The following MYOM2 variants were observed in gnomAD, a reference collection of about 807,000 sequenced individuals.
The protein encoded by MYOM2 is myomesin 2.
MYOM2 carries 254 observed loss-of-function variants against 187.6 expected under a neutral mutation model. The ratio of observed to expected loss-of-function variants is 1.35; its 90% CI spans 1.22 to 1.50. The LOEUF is 1.50. Among genes scored for constraint, MYOM2 ranks in the 40% most tolerant of loss-of-function variants. MYOM2 has a pLI of 0.00. For missense variants in MYOM2, 2,796 were observed against 1,924.0 expected (o/e 1.45, Z -8.48); for synonymous variants, 981 against 753.8 (o/e 1.30, Z -4.94).
At chr8:2,116,919 G>A (rs1247193694) in intron 27 of MYOM2, among the ~76,000 whole-genome samples, 2 of 131,460 alleles carry the variant, frequency 1.5e-5, no homozygotes, top group African/African-American at 3.0e-5. Context: ...CACTATGCCC[G>A]GTTAATTTTT....
chr8:2,098,911 C>A lies in MYOM2; in HGVS notation c.2368C>A (p.Leu790Met). 1 of 1,613,356 alleles carries A rather than the reference C, an allele frequency of 6.2e-7. No homozygotes were observed. The highest frequency in any genetic ancestry group is 8.5e-7 in the Non-Finnish European group (1 of 1,179,748). The change falls in exon 19 of 37, where the codon CTG (leucine) becomes ATG (methionine). Residue 790 changes from leucine (L) to methionine (M), a missense_variant. By Grantham distance (15) the Leu-to-Met change is conservative (BLOSUM62 2). Transcript: ENST00000262113. ...LYEFKIAAVN[L>M]AGIGEPSDPS... ...CGAGTTCAAAATCGCCGCCGTCAACCTGGCCGGCATCGGGGAGCCCTCAGA... is the reference window on the plus strand; with the variant it reads ...CGAGTTCAAAATCGCCGCCGTCAACATGGCCGGCATCGGGGAGCCCTCAGA...
chr8:2,056,004 C>A (rs2129328832), intron 3 of MYOM2, among the ~76,000 whole-genome samples: 1 of 152,330 alleles, frequency 6.6e-6, no homozygotes, highest in East Asian at 1.9e-4. Flanking sequence ...CCTGTCCCTG[C>A]CACTCGGGAA....
At chr8:2,103,630 G>C (rs111628447) in intron 21 of MYOM2, among the ~76,000 whole-genome samples, 16,254 of 150,660 alleles carry the variant, frequency 0.11, 1,142 homozygotes, top group African/African-American at 0.2. Flanking sequence ...GGATAAATGA[G>C]TGGGAGAGCG....
In MYOM2 at chr8:2,085,409, T is replaced by C. The variant is rs1484661121; in HGVS notation, c.1644+19T>C. The C allele has an allele frequency of 6.3e-7, 1 of 1,599,854 alleles. No individual in the cohort carries two copies. The highest frequency in any genetic ancestry group is 1.7e-5 in the Admixed American group (1 of 59,086). On this transcript the variant is annotated intron_variant, in intron 14 of 36. Transcript: ENST00000262113. ...TGAGAAGGTAAACTCCGGGCCCGTG[T>C]CCTGGAAAAGTAGATCTCTGCATGG...
Position 2,106,388 on chromosome 8 carries a change from G to C in MYOM2, c.2881G>C (p.Val961Leu), listed in dbSNP as rs140995511. Residue 961 changes from valine (V) to leucine (L), a missense_variant, in exon 22 of 37, where the codon GTG becomes CTG. By Grantham distance (32) the Val-to-Leu change is conservative. Coordinates refer to ENST00000262113, the MANE Select transcript of MYOM2 (RefSeq NM_003970.4). ...SDDERFKIET[V>L]GDHSKLYLKN... ...TGATGAGAGGTTTAAAATTGAAACC[G>C]TGGGGGATCAGTAAGTGAGGCCTGG... 1.4e-5 allele frequency: 22 copies of C among 1,613,888 alleles called. No homozygotes were observed. The highest frequency in any genetic ancestry group is 2.7e-5 in the African/African-American group (2 of 74,922).
Position 2,123,391 on chromosome 8 carries a change from A to AG in MYOM2, c.3567+26_3567+27insG, listed in dbSNP as rs66970355. On this transcript the variant is annotated intron_variant, in intron 29 of 36. Transcript: ENST00000262113. ...GTATCAGGCATTGAGTAACACAAGA[A>AG]AGCAAAACAAAAACGGCACTTTCAA... 1.7e-3 allele frequency: 2,622 copies of AG among 1,530,826 alleles called. 37 individuals carry two copies. In the African/African-American group the frequency reaches 0.033, roughly 20 times the overall value. The allele number at this position is 1,530,826 out of a possible 1,614,324, so 94.8% of individuals were successfully genotyped here.
intron 20 of MYOM2, 68 bp from the exon 21 acceptor site, chr8:2,102,599 A>T: frequency 9.4e-7 from 1 of 1,065,278 alleles, no homozygotes; most frequent in South Asian, 1.5e-5. Context: ...TCACAATAAA[A>T]TGTGAAAAAC....
In MYOM2 at chr8:2,106,527, T is replaced by G; in HGVS notation, c.2928T>G (p.Asp976Glu). 1 of 1,612,660 alleles carries G rather than the reference T, an allele frequency of 6.2e-7. No homozygotes were observed. Among genetic ancestry groups the G allele is most frequent in the South Asian group, 1.1e-5 (1 of 91,064 alleles). ...ACTTAAAGAATCCGGATAAGGAGGA[T>G]TTAGGGACTTACTCCGTGTCTGTAA... ...KLYLKNPDKE[D>E]LGTYSVSVSD... The change falls in exon 23 of 37, where the codon GAT (aspartate) becomes GAG (glutamate). Residue 976 changes from aspartate (D) to glutamate (E), a missense_variant. By Grantham distance (45) the Asp-to-Glu change is conservative. Coordinates refer to ENST00000262113, the MANE Select transcript of MYOM2 (RefSeq NM_003970.4).
At position 2,079,538 on chromosome 8, in the gene MYOM2, G is replaced by C. The variant is rs185678339; in HGVS notation, c.1463-22G>C. 245 of 1,613,766 alleles carry C rather than the reference G, an allele frequency of 1.5e-4. 2 individuals are homozygous for C. The highest frequency in any genetic ancestry group is 9.2e-4 in the Admixed American group (55 of 60,024). Reference sequence around the variant, plus strand: ...GGGAAAACTTCGCATGTCAAATCGAGTGTCAACCTTTCTCTCCGCAGCCGT... The same window carrying C: ...GGGAAAACTTCGCATGTCAAATCGACTGTCAACCTTTCTCTCCGCAGCCGT... On this transcript the variant is annotated intron_variant, in intron 12 of 36. Transcript: ENST00000262113.
Position 2,049,797 on chromosome 8 carries a change from G to A in MYOM2, c.-12-958G>A, listed in dbSNP as rs572725716. Among the ~76,000 whole-genome samples the A allele has an allele frequency of 3.3e-5, 5 of 152,296 alleles. No homozygotes were observed. In the East Asian group the frequency reaches 5.8e-4, roughly 18 times the overall value. On this transcript the variant is annotated intron_variant, in intron 1 of 36. Transcript: ENST00000262113. ...GTCACTCAGCACGTTGGCATTTTAC[G>A]TGTTTTGGGTGAACATGTACAGCAG... is the stretch of plus-strand genomic sequence containing the variant.
intron 15 of MYOM2, among the ~76,000 whole-genome samples, chr8:2,091,845 C>G (rs2116735063): frequency 6.6e-6 from 1 of 152,248 alleles, no homozygotes; most frequent in Admixed American, 6.5e-5. Flanking sequence ...ACAGGTGGCC[C>G]CAAGGCCTTA....
intron 1 of MYOM2, among the ~76,000 whole-genome samples, chr8:2,045,610 A>C (rs1250635017): frequency 6.6e-6 from 1 of 152,250 alleles, no homozygotes; most frequent in Non-Finnish European, 1.5e-5. Flanking sequence ...AAAAGAGTCG[A>C]GGGTCATTCA....
At chr8:2,143,216 C>T in intron 35 of MYOM2, 185 bp from the exon 36 acceptor site, 1 of 679,414 alleles carries the variant, frequency 1.5e-6, no homozygotes, top group African/African-American at 1.8e-5. Context: ...TCCTCATCTA[C>T]CTTCCCTTGG....
Position 2,090,018 on chromosome 8 carries a change from G to T in MYOM2, c.1655G>T (p.Gly552Val), listed in dbSNP as rs1024130084. ...TGTTTCTCTTTGTAGTCCGTGGTGG[G>T]GAGCGGCAGCTGGCAGAGAGTCAAC... ...LMYFIEKSVV[G>V]SGSWQRVNAQ... Residue 552 changes from glycine to valine, a missense_variant, in exon 15 of 37, where the codon GGG (glycine) becomes GTG (valine). Gly to Val is a moderately radical substitution (Grantham distance 109, BLOSUM62 -3). Coordinates refer to ENST00000262113, the MANE Select transcript of MYOM2 (RefSeq NM_003970.4). 6.2e-7 allele frequency: 1 copy of T among 1,613,798 alleles called. No homozygotes were observed. Among genetic ancestry groups the T allele is most frequent in the East Asian group, 2.2e-5 (1 of 44,860 alleles).
At chr8:2,058,989 G>A (rs975465950) in intron 5 of MYOM2, among the ~76,000 whole-genome samples, 164 bp from the exon 6 acceptor site, 1 of 152,222 alleles carries the variant, frequency 6.6e-6, no homozygotes, top group African/African-American at 2.4e-5. Flanking sequence ...AGCAAAACCA[G>A]TGCGAACTCT....
intron 16 of MYOM2, 24 bp from the exon 17 acceptor site, chr8:2,093,946 G>C (rs369695148): frequency 6.2e-7 from 1 of 1,612,938 alleles, no homozygotes; most frequent in Non-Finnish European, 8.5e-7. Flanking sequence ...TGGCAGTTCT[G>C]ACCCTGATCC....
intron 1 of MYOM2, among the ~76,000 whole-genome samples, chr8:2,050,538 G>A (rs1045889869): frequency 2.0e-5 from 3 of 152,202 alleles, no homozygotes; most frequent in Non-Finnish European, 2.9e-5. Context: ...AACTGTTGTG[G>A]AAGAAAACAA....
Position 2,109,417 on chromosome 8 carries a change from A to T in MYOM2, c.3066A>T (p.Leu1022Phe), listed in dbSNP as rs2280896. 290 of 1,609,890 alleles carry T rather than the reference A, an allele frequency of 1.8e-4. 3 individuals are homozygous for T. In the East Asian group the frequency reaches 6.3e-3, roughly 35 times the overall value. ...KNPTIPLKSE[L>F]AYEIFDKGRV... ...TAGCAATTCCTCTGAAATCGGAATT[A>T]GCTTATGAGATTTTTGATAAGGGGC... The change falls in exon 25 of 37, where the codon TTA becomes TTT. Residue 1022 changes from leucine (L) to phenylalanine (F), a missense_variant. Transcript: ENST00000262113.
chr8:2,092,124 G>C (rs1796324229), intron 15 of MYOM2, among the ~76,000 whole-genome samples: 1 of 152,076 alleles, frequency 6.6e-6, no homozygotes, highest in Admixed American at 6.6e-5. Context: ...GTCTCTAGGA[G>C]TTGTGTGGAG....
Sources: gnomAD v4.1 joint callset for allele counts (sites outside exome capture counted in the v4.1 genomes callset) on GRCh38, gnomAD v4.1.1 for gene constraint, MANE v1.5 for transcripts, NCBI Gene and HGNC (gene_info 2026-07-23, HGNC 2026-07-21) for gene names.